The following MYRF variants were observed in gnomAD, a reference collection of about 807,000 sequenced individuals.
MYRF encodes the protein myelin regulatory factor, also known as myelin gene regulatory factor.
MYRF carries 16 observed loss-of-function variants against 126.3 expected under a neutral mutation model. That is an observed-to-expected ratio of 0.13 (90% confidence interval 0.09 to 0.19). The LOEUF (loss-of-function observed/expected upper bound fraction) is 0.19, where lower values mean the gene tolerates loss of function less well. Among genes scored for constraint, MYRF ranks in the 10% least tolerant of loss-of-function variants. The pLI, the probability that MYRF is intolerant of heterozygous loss-of-function variation, is 1.00. For missense variants in MYRF, 1,104 were observed against 1,547.0 expected (o/e 0.71, Z 4.80); for synonymous variants, 608 against 635.3 (o/e 0.96, Z 0.65).
Position 61,757,679 on chromosome 11 carries a change from CT to C in MYRF, c.46+4890del, listed in dbSNP as rs557380012. The C allele has an allele frequency of 7.5e-4, 300 of 399,386 alleles. 2 individuals are homozygous for C. The highest frequency in any genetic ancestry group is 4.9e-3 in the South Asian group (277 of 56,470). The allele number at this position is 399,386 out of a possible 1,614,324, so 24.7% of individuals were successfully genotyped here. A position where few individuals can be genotyped will look rare whatever the true frequency, so the allele number is the denominator to read the frequency against. On this transcript the variant is annotated intron_variant, in intron 1 of 26. Transcript: ENST00000278836. This position sits in a 1 kb window ranked among gnomAD's most constrained non-coding sequence, Gnocchi z 4.7. Reference sequence around the variant, plus strand: ...CTCTGAGATTTGGGTTCTGTTCTTGCTGCCAGCAAGGAGGAGGGGCTTGGCT... The same window carrying C: ...CTCTGAGATTTGGGTTCTGTTCTTGCGCCAGCAAGGAGGAGGGGCTTGGCT...
At chr11:61,765,429 G>T (rs1055802406) in intron 1 of MYRF, among the ~76,000 whole-genome samples, 196 bp from the exon 2 acceptor site, 1 of 152,154 alleles carries the variant, frequency 6.6e-6, no homozygotes, top group South Asian at 2.1e-4. Context: ...GGGCGGGGGG[G>T]CATTATCAGT....
At chr11:61,753,828 T>C (rs1307865352) in intron 1 of MYRF, among the ~76,000 whole-genome samples, 1 of 152,152 alleles carries the variant, frequency 6.6e-6, no homozygotes, top group Non-Finnish European at 1.5e-5. Context: ...TGGTGCTGGG[T>C]TCTGGAGGGA....
rs1463837628 is a variant in MYRF at position 61,776,292 on chromosome 11, C to A, written c.1389-30C>A. 1 of 1,593,730 alleles carries A rather than the reference C, an allele frequency of 6.3e-7. No individual in the cohort carries two copies. The highest frequency in any genetic ancestry group is 8.6e-7 in the Non-Finnish European group (1 of 1,166,504). ...GTGGCTCTTGCAGCCTCCCTCCCTG[C>A]CCCCTGAGCACCCTGCCTCTCCTCT... is the stretch of plus-strand genomic sequence containing the variant. On this transcript the variant is annotated intron_variant, in intron 9 of 26. Transcript: ENST00000278836. This position sits in a 1 kb window ranked among gnomAD's most constrained non-coding sequence, Gnocchi z 4.3.
intron 24 of MYRF, 116 bp from the exon 25 acceptor site, chr11:61,784,164 T>C (rs1448255253): frequency 1.9e-6 from 2 of 1,065,416 alleles, no homozygotes; most frequent in Non-Finnish European, 2.8e-6. Context: ...CCCTGGTTAT[T>C]ATGCGGTGTT....
intron 4 of MYRF, among the ~76,000 whole-genome samples, chr11:61,769,847 G>A (rs1322203914): frequency 6.6e-6 from 1 of 152,196 alleles, no homozygotes; most frequent in Non-Finnish European, 1.5e-5. Flanking sequence ...TGAGAGCCCA[G>A]AAGAGGGACT....
Position 61,783,909 on chromosome 11 carries a change from C to A in MYRF, c.3178C>A (p.Leu1060Met). The A allele has an allele frequency of 6.2e-7, 1 of 1,606,818 alleles. No individual in the cohort carries two copies. Among genetic ancestry groups the A allele is most frequent in the Non-Finnish European group, 8.5e-7 (1 of 1,176,220 alleles). ...VSSGTPLHLS[L>M]TLQMNSSSPV... is the part of the protein sequence containing the mutation. ...TAGTGGCACCCCACTGCACCTCAGC[C>A]TGACTCTGCAGATGAAGTGAGTGCC... Residue 1060 changes from leucine (L) to methionine (M), a missense_variant, in exon 24 of 27, where the codon CTG becomes ATG. This residue lies in a region of MYRF where 94 missense variants were observed against 164.6 expected (regional missense o/e 0.57). Coordinates refer to ENST00000278836, the MANE Select transcript of MYRF (RefSeq NM_001127392.3). The surrounding 1 kb of genome is among the most constrained non-coding windows in gnomAD (Gnocchi z 4.6).
In MYRF at chr11:61,783,550, G is replaced by A. The variant is rs200314656; in HGVS notation, c.3069G>A (p.Glu1023=). The A allele has an allele frequency of 5.6e-6, 9 of 1,613,696 alleles. No homozygotes were observed. Among genetic ancestry groups the A allele is most frequent in the Non-Finnish European group, 7.6e-6 (9 of 1,179,996 alleles). Residue 1023 remains glutamate (E), a synonymous_variant, in exon 23 of 27, where the codon GAG becomes GAA. Transcript: ENST00000278836. This position sits in a 1 kb window ranked among gnomAD's most constrained non-coding sequence, Gnocchi z 4.6. ...VPSLTSIQVL[E]NSMSITSQYC... Reference sequence around the variant, plus strand: ...CCCTGACCTCCATCCAGGTGCTGGAGAATTCGATGTCCATCACCTCCCAGT... The same window carrying A: ...CCCTGACCTCCATCCAGGTGCTGGAAAATTCGATGTCCATCACCTCCCAGT...
intron 1 of MYRF, chr11:61,755,355 C>G: frequency 6.2e-7 from 1 of 1,600,190 alleles, no homozygotes. Flanking sequence ...CGGCTAATCC[C>G]CTAGAGAGAG....
intron 1 of MYRF, among the ~76,000 whole-genome samples, chr11:61,753,217 T>A (rs2065654986): frequency 6.6e-6 from 1 of 151,984 alleles, no homozygotes; most frequent in African/African-American, 2.4e-5. Flanking sequence ...GGACCTTCCG[T>A]ACCTCTTGAG....
intron 5 of MYRF, among the ~76,000 whole-genome samples, 181 bp downstream of exon 5, chr11:61,770,706 G>A (rs1376509235): frequency 6.6e-6 from 1 of 152,216 alleles, no homozygotes; most frequent in African/African-American, 2.4e-5. Context: ...AATACCTTGA[G>A]GGGTTTACAG....
Position 61,770,371 on chromosome 11 carries a change from C to T in MYRF, c.586C>T (p.Pro196Ser), listed in dbSNP as rs1344498078. ...PGPPPPPPPP[P>S]HYPVLQRDLY... The stretch of plus-strand genomic sequence containing the variant: ...CCCCCCGCCACCCCCACCACCCCCA[C>T]CTCACTACCCTGTCCTGCAGCGGGA... The change falls in exon 5 of 27, where the codon CCT (proline) becomes TCT (serine). Residue 196 changes from proline to serine, a missense_variant. By Grantham distance (74) the Pro-to-Ser change is moderately conservative. This residue lies in a region of MYRF where 368 missense variants were observed against 403.9 expected (regional missense o/e 0.91). Coordinates refer to ENST00000278836, the MANE Select transcript of MYRF (RefSeq NM_001127392.3). 3 of 1,542,236 alleles carry T rather than the reference C, an allele frequency of 1.9e-6. No individual in the cohort carries two copies. The highest frequency in any genetic ancestry group is 2.4e-5 in the East Asian group (1 of 40,888).
rs1311067837 is a variant in MYRF, at chr11:61,778,282, C to T, written c.1904-98C>T. On this transcript the variant is annotated intron_variant, in intron 13 of 26. Coordinates refer to ENST00000278836, the MANE Select transcript of MYRF (RefSeq NM_001127392.3). The surrounding 1 kb of genome is among the most constrained non-coding windows in gnomAD (Gnocchi z 4.6). ...GAATCCAAATCTCTGGGTTCCAGAA[C>T]TTCACCCTCTCCAGTCTTGCTCCCA... 3.3e-5 allele frequency: 28 copies of T among 840,372 alleles called. No homozygotes were observed. The Admixed American group carries it at 4.8e-4, about 14-fold the overall frequency. The allele number at this position is 840,372 out of a possible 1,614,324, so 52.1% of individuals were successfully genotyped here.
At chr11:61,781,460 TGA>T in intron 21 of MYRF, 111 bp from the exon 22 acceptor site, 2 of 1,540,600 alleles carry the variant, frequency 1.3e-6, no homozygotes, top group Non-Finnish European at 1.8e-6. Context: ...GAAGTTCCCC[TGA>T]GAGGACCAAG....
chr11:61,782,064 G>A lies in MYRF; in HGVS notation c.3016+240G>A, dbSNP rs190740700. The A allele has an allele frequency of 8.2e-6, 4 of 487,688 alleles. No individual in the cohort carries two copies. In the East Asian group the frequency reaches 9.8e-5, roughly 12 times the overall value. The allele number at this position is 487,688 out of a possible 1,614,324, so 30.2% of individuals were successfully genotyped here. ...TCCTATTGTTCAGCTGAAGAAATGG[G>A]ATGGAGACTAAGGTGAAGTGACCTG... On this transcript the variant is annotated intron_variant, in intron 22 of 26. Transcript: ENST00000278836.
At position 61,780,989 on chromosome 11, in the gene MYRF, T is replaced by G. The variant is rs766777320; in HGVS notation, c.2516T>G (p.Leu839Arg). ...AGCCAGAGCTTTGGGACCACGCAGCTCCGACAGTCCCCCTTGACCACGGGG... is the reference window on the plus strand; with the variant it reads ...AGCCAGAGCTTTGGGACCACGCAGCGCCGACAGTCCCCCTTGACCACGGGG... ...WSSQSFGTTQ[L>R]RQSPLTTGLP... The change falls in exon 20 of 27, where the codon CTC becomes CGC. Residue 839 changes from leucine (L) to arginine (R), a missense_variant. This residue lies in a region of MYRF where 323 missense variants were observed against 383.1 expected (regional missense o/e 0.84). Coordinates refer to ENST00000278836, the MANE Select transcript of MYRF (RefSeq NM_001127392.3). The G allele has an allele frequency of 2.5e-6, 4 of 1,610,048 alleles. No homozygotes were observed. In the East Asian group the frequency reaches 8.9e-5, roughly 36 times the overall value.
intron 17 of MYRF, 59 bp downstream of exon 17, chr11:61,779,989 A>G: frequency 6.8e-7 from 1 of 1,472,752 alleles, no homozygotes; most frequent in Non-Finnish European, 9.4e-7. Flanking sequence ...TGCCCAGTGG[A>G]GTCAGCTGCC....
intron 25 of MYRF, 81 bp from the exon 26 acceptor site, chr11:61,785,719 G>A: frequency 3.4e-6 from 4 of 1,182,954 alleles, no homozygotes; most frequent in Non-Finnish European, 5.0e-6. Context: ...ACAGACCCCA[G>A]GACTGCGACG....
Position 61,785,729 on chromosome 11 carries a change from G to A in MYRF, c.3301-71G>A, listed in dbSNP as rs17762402. On this transcript the variant is annotated intron_variant, in intron 25 of 26. Transcript: ENST00000278836. ...TCCCCACAGACCCCAGGACTGCGAC[G>A]GCCGTGGTGAGAGATGCTGGTTGGG... The A allele has an allele frequency of 0.061, 79,981 of 1,319,212 alleles. 3,006 individuals carry two copies. Among genetic ancestry groups the A allele is most frequent in the Non-Finnish European group, 0.073 (67,145 of 915,098 alleles). The allele number at this position is 1,319,212 out of a possible 1,614,324, so 81.7% of individuals were successfully genotyped here.
At chr11:61,780,001 A>C (rs1011473582) in intron 17 of MYRF, 71 bp downstream of exon 17, 2 of 1,407,368 alleles carry the variant, frequency 1.4e-6, no homozygotes, top group African/African-American at 2.8e-5. Context: ...TCAGCTGCCC[A>C]TGGGCTCAGG....
Sources: gnomAD v4.1 joint callset for allele counts (sites outside exome capture counted in the v4.1 genomes callset) on GRCh38, gnomAD v4.1.1 for gene constraint, gnomAD v4.1.1 regional missense constraint, Gnocchi (gnomAD v3.1) non-coding constraint, MANE v1.5 for transcripts, NCBI Gene and HGNC (gene_info 2026-07-23, HGNC 2026-07-21) for gene names.